TREML4: variants seen among roughly 807,000 people sequenced by gnomAD.
TREML4 encodes the protein triggering receptor expressed on myeloid cells like 4.
A neutral mutation model predicts 25.4 loss-of-function variants in TREML4; 25 were observed. That is an observed-to-expected ratio of 0.98 (90% confidence interval 0.72 to 1.37). The LOEUF (loss-of-function observed/expected upper bound fraction) is 1.37. Among genes scored for constraint, TREML4 ranks in the 40% most tolerant of loss-of-function variants. TREML4 has a pLI of 0.00. For synonymous variants in TREML4, 92 were observed against 87.9 expected, an observed-to-expected ratio of 1.05 and a Z score of -0.26; for missense variants, 268 against 236.5, an observed-to-expected ratio of 1.13 and a Z score of -0.87.
intron 4 of TREML4, among the ~76,000 whole-genome samples, chr6:41,230,876 C>G (rs930408798): frequency 6.6e-6 from 1 of 152,170 alleles, no homozygotes; most frequent in Non-Finnish European, 1.5e-5. Flanking sequence ...TGGTGAGCCA[C>G]TGAAGTTCAT....
chr6:41,234,730 G>A (rs570277259), intron 4 of TREML4, among the ~76,000 whole-genome samples: 19 of 151,666 alleles, frequency 1.3e-4, no homozygotes, highest in African/African-American at 4.1e-4. Flanking sequence ...CAGTTGATAA[G>A]ACCCATCCTC....
At position 41,229,869 on chromosome 6, in the gene TREML4, C is replaced by T. The variant is rs577041462; in HGVS notation, c.446-193C>T. 3.9e-5 allele frequency among the ~76,000 whole-genome samples: 6 copies of T among 152,338 alleles called. No homozygotes were observed. The South Asian group carries it at 1.2e-3, about 32-fold the overall frequency. On this transcript the variant is annotated intron_variant, in intron 3 of 5. Coordinates refer to ENST00000341495, the MANE Select transcript of TREML4 (RefSeq NM_198153.3). ...AGCCCTCCTGCCCCTGTCCTCCCGCCAGCATGGAGAGGACAGTGCCAGACT... is the reference window on the plus strand; with the variant it reads ...AGCCCTCCTGCCCCTGTCCTCCCGCTAGCATGGAGAGGACAGTGCCAGACT...
chr6:41,234,550 G>A (rs1393976326), intron 4 of TREML4, among the ~76,000 whole-genome samples: 1 of 133,698 alleles, frequency 7.5e-6, no homozygotes, highest in African/African-American at 2.8e-5. Flanking sequence ...CAAAGAAAAA[G>A]AAGAAAATAA....
intron 4 of TREML4, among the ~76,000 whole-genome samples, chr6:41,234,823 T>C (rs1236188089): frequency 6.6e-6 from 1 of 151,074 alleles, no homozygotes; most frequent in Non-Finnish European, 1.5e-5. Flanking sequence ...TATTTCATAC[T>C]AGATGTTGCA....
At position 41,229,550 on chromosome 6, in the gene TREML4, C is replaced by G. The variant is rs1205907630; in HGVS notation, c.424C>G (p.Pro142Ala). 1 of 1,613,862 alleles carries G rather than the reference C, an allele frequency of 6.2e-7. No individual in the cohort carries two copies. ...AACCACGTCTCCTATGTGGACTCTTCCCTGGCTCCCAACAAGCACAGGTAG... is the reference window on the plus strand; with the variant it reads ...AACCACGTCTCCTATGTGGACTCTTGCCTGGCTCCCAACAAGCACAGGTAG... ...APTTSPMWTL[P>A]WLPTSTVLIT... The change falls in exon 3 of 6, where the codon CCC becomes GCC. Residue 142 changes from proline (P) to alanine (A), a missense_variant. By Grantham distance (27) the Pro-to-Ala change is conservative. Coordinates refer to ENST00000341495, the MANE Select transcript of TREML4 (RefSeq NM_198153.3).
chr6:41,237,957 G>A lies in TREML4; in HGVS notation c.*938G>A, dbSNP rs190946108. 9 of 152,324 alleles carry A rather than the reference G, an allele frequency of 5.9e-5. No individual in the cohort carries two copies. The East Asian group carries it at 1.7e-3, about 29-fold the overall frequency. The allele number at this position is 152,324 out of a possible 1,614,324, so 9.4% of individuals were successfully genotyped here. The stretch of plus-strand genomic sequence containing the variant: ...AGCACATATTTATGAAGCAAGAATA[G>A]GTACAGTCATTTTCCAACTAACATC... On this transcript the variant is annotated 3_prime_UTR_variant, in exon 6 of 6. Coordinates refer to ENST00000341495, the MANE Select transcript of TREML4 (RefSeq NM_198153.3).
In TREML4 at chr6:41,236,434, G is replaced by A. The variant is rs930569856; in HGVS notation, c.507-52G>A. 8 of 1,516,268 alleles carry A rather than the reference G, an allele frequency of 5.3e-6. No homozygotes were observed. In the African/African-American group the frequency reaches 9.6e-5, roughly 18 times the overall value. 93.9% of individuals were successfully genotyped at this position (1,516,268 alleles called of 1,614,324 possible). On this transcript the variant is annotated intron_variant, in intron 4 of 5. Coordinates refer to ENST00000341495, the MANE Select transcript of TREML4 (RefSeq NM_198153.3). ...TGCCTGGCTTAGGGACACCGCAGGA[G>A]GTGGTGACATCCTGGCCCAAGTCCA...
intron 4 of TREML4, among the ~76,000 whole-genome samples, 169 bp from the exon 5 acceptor site, chr6:41,236,317 C>G (rs181584892): frequency 3.9e-4 from 60 of 152,324 alleles, no homozygotes; most frequent in African/African-American, 1.3e-3. Context: ...GGTCCCCTCT[C>G]AGTCCCAGAG....
chr6:41,232,940 T>C (rs1561902662), intron 4 of TREML4, among the ~76,000 whole-genome samples: 1 of 152,222 alleles, frequency 6.6e-6, no homozygotes, highest in East Asian at 1.9e-4. Flanking sequence ...GAACTGGTAC[T>C]GGTCTGTGAC....
rs554459174 is a variant in TREML4 at position 41,228,622 on chromosome 6, G to C, written c.64-92G>C. On this transcript the variant is annotated intron_variant, in intron 1 of 5. Coordinates refer to ENST00000341495, the MANE Select transcript of TREML4 (RefSeq NM_198153.3). ...CTTCCATGTGTGGGCATCAGAACTA[G>C]TTCCCCCTCCCCTTCCCCAGCCTGT... 3.3e-6 allele frequency: 5 copies of C among 1,507,476 alleles called. No individual in the cohort carries two copies. In the East Asian group the frequency reaches 1.1e-4, roughly 34 times the overall value. The allele number at this position is 1,507,476 out of a possible 1,614,324, so 93.4% of individuals were successfully genotyped here.
chr6:41,235,673 A>C (rs1766882256), intron 4 of TREML4, among the ~76,000 whole-genome samples: 1 of 152,254 alleles, frequency 6.6e-6, no homozygotes, highest in Admixed American at 6.5e-5. Flanking sequence ...AAATAGAAAC[A>C]ATCCATGACT....
chr6:41,236,164 G>A (rs57031100), intron 4 of TREML4, among the ~76,000 whole-genome samples: 2 of 151,572 alleles, frequency 1.3e-5, no homozygotes, highest in East Asian at 2.0e-4. Flanking sequence ...TCCTAAGGTC[G>A]GATGGTCCCA....
At position 41,237,106 on chromosome 6, in the gene TREML4, C is replaced by T. The variant is rs547301108; in HGVS notation, c.*87C>T. 86 of 153,622 alleles carry T rather than the reference C, an allele frequency of 5.6e-4. No homozygotes were observed. Among genetic ancestry groups the T allele is most frequent in the Non-Finnish European group, 1.1e-3 (76 of 68,778 alleles). The allele number at this position is 153,622 out of a possible 1,614,324, so 9.5% of individuals were successfully genotyped here. On this transcript the variant is annotated 3_prime_UTR_variant, in exon 6 of 6. Coordinates refer to ENST00000341495, the MANE Select transcript of TREML4 (RefSeq NM_198153.3). The stretch of plus-strand genomic sequence containing the variant: ...TCCCAGCACAGCCTTGTCCCAGGAC[C>T]CTTGGGTGCATGAGCCACAACATGG...
intron 3 of TREML4, 132 bp downstream of exon 3, chr6:41,229,703 A>G (rs768063938): frequency 2.3e-4 from 211 of 899,188 alleles, no homozygotes; most frequent in Non-Finnish European, 3.7e-4. Context: ...GCTTGTGGGA[A>G]GCTACCTTCA....
At chr6:41,232,836 G>A (rs1766828220) in intron 4 of TREML4, among the ~76,000 whole-genome samples, 1 of 152,212 alleles carries the variant, frequency 6.6e-6, no homozygotes, top group South Asian at 2.1e-4. Flanking sequence ...AGGCAGTGAT[G>A]GGTGCGATGG....
rs147173975 is a variant in TREML4 at position 41,238,334 on chromosome 6, T to C, written c.*1315T>C. Reference sequence around the variant, plus strand: ...GTATTCTTGTAAAACATCCAGTATTTTTTTTTCTGTGACTATGTTTTCACT... The same window carrying C: ...GTATTCTTGTAAAACATCCAGTATTCTTTTTTCTGTGACTATGTTTTCACT... On this transcript the variant is annotated 3_prime_UTR_variant, in exon 6 of 6. Coordinates refer to ENST00000341495, the MANE Select transcript of TREML4 (RefSeq NM_198153.3). 264 of 152,370 alleles carry C rather than the reference T, an allele frequency of 1.7e-3. 3 individuals carry two copies. The highest frequency in any genetic ancestry group is 6.1e-3 in the African/African-American group (255 of 41,592). The allele number at this position is 152,370 out of a possible 1,614,324, so 9.4% of individuals were successfully genotyped here.
intron 3 of TREML4, 112 bp from the exon 4 acceptor site, chr6:41,229,950 C>G (rs769754362): frequency 7.8e-6 from 7 of 902,562 alleles, no homozygotes; most frequent in Non-Finnish European, 1.3e-5. Flanking sequence ...CCTGAGGGAC[C>G]CTTAGGGGCT....
Position 41,236,620 on chromosome 6 carries a change from G to A in TREML4, c.*35+3G>A, listed in dbSNP as rs768899673. 6 of 1,543,982 alleles carry A rather than the reference G, an allele frequency of 3.9e-6. No homozygotes were observed. In the South Asian group the frequency reaches 5.6e-5, roughly 14 times the overall value. ...CTCCTGATCTGCAGGTGCCACAGGT[G>A]AGGGGGCCTGGATTTCACCTGGGGG... On this transcript the variant is annotated splice_donor_region_variant and intron_variant, in intron 5 of 5. Coordinates refer to ENST00000341495, the MANE Select transcript of TREML4 (RefSeq NM_198153.3).
In TREML4 at chr6:41,236,596, T is replaced by G. The variant is rs1488712952; in HGVS notation, c.*14T>G. 6.3e-7 allele frequency: 1 copy of G among 1,599,668 alleles called. No individual in the cohort carries two copies. The highest frequency in any genetic ancestry group is 1.3e-5 in the African/African-American group (1 of 74,640). ...CTGATGTTGTGAGTCCTGTTAGTGC[T>G]CCTGATCTGCAGGTGCCACAGGTGA... On this transcript the variant is annotated 3_prime_UTR_variant, in exon 5 of 6. Coordinates refer to ENST00000341495, the MANE Select transcript of TREML4 (RefSeq NM_198153.3).
Sources: gnomAD v4.1 joint callset for allele counts (sites outside exome capture counted in the v4.1 genomes callset) on GRCh38, gnomAD v4.1.1 for gene constraint, MANE v1.5 for transcripts, NCBI Gene and HGNC (gene_info 2026-07-23, HGNC 2026-07-21) for gene names.